The following INPP4B variants were observed in gnomAD, a reference collection of about 807,000 sequenced individuals.
The protein encoded by INPP4B is inositol polyphosphate-4-phosphatase type II B.
Under a neutral mutation model 122.5 loss-of-function variants are expected in INPP4B, and 55 were observed. The ratio of observed to expected loss-of-function variants is 0.45; its 90% confidence interval spans 0.36 to 0.56. The LOEUF (loss-of-function observed/expected upper bound fraction) is 0.56. Among genes scored for constraint, INPP4B ranks in the 20% least tolerant of loss-of-function variants. The probability of loss-of-function intolerance (pLI) is 0.00; values close to 1 mark genes in which losing one functional copy is unlikely to be tolerated. For missense variants in INPP4B, 1,000 were observed against 1,097.7 expected, an observed-to-expected ratio of 0.91 and a Z score of 1.26; for synonymous variants, 403 against 388.7, an observed-to-expected ratio of 1.04 and a Z score of -0.43.
At chr4:142,591,713 T>C (rs1027946367) in intron 2 of INPP4B, among the ~76,000 whole-genome samples, 3 of 152,280 alleles carry the variant, frequency 2.0e-5, no homozygotes, top group African/African-American at 7.2e-5. Flanking sequence ...CGCTAAGTAA[T>C]GTTGATAATA....
chr4:142,312,304 G>A (rs1455492825), intron 8 of INPP4B, among the ~76,000 whole-genome samples: 1 of 152,148 alleles, frequency 6.6e-6, no homozygotes, highest in Non-Finnish European at 1.5e-5. Context: ...GGCTAGAAGA[G>A]AGGAGAGATC....
At chr4:142,123,676 A>G (rs12641407) in intron 19 of INPP4B, among the ~76,000 whole-genome samples, 19,399 of 152,104 alleles carry the variant, frequency 0.13, 1,414 homozygotes, top group East Asian at 0.24. Flanking sequence ...CAAATCTTAT[A>G]TCTACCATTT....
At chr4:142,080,739 T>C (rs1486816312) in intron 25 of INPP4B, among the ~76,000 whole-genome samples, 1 of 152,162 alleles carries the variant, frequency 6.6e-6, no homozygotes, top group Non-Finnish European at 1.5e-5. Flanking sequence ...GAAGATTTGT[T>C]ACCTAAATCA....
chr4:142,702,802 A>G (rs1639696657), intron 2 of INPP4B, among the ~76,000 whole-genome samples: 1 of 152,024 alleles, frequency 6.6e-6, no homozygotes, highest in Non-Finnish European at 1.5e-5. Context: ...TTTTTAAATA[A>G]AGATTGATTT....
chr4:142,330,352 T>C, intron 7 of INPP4B, among the ~76,000 whole-genome samples: 1 of 152,240 alleles, frequency 6.6e-6, no homozygotes, highest in Non-Finnish European at 1.5e-5. Context: ...TGGATTAAAA[T>C]ATCTTGAAAA....
At chr4:142,708,541 G>A (rs982238361) in intron 2 of INPP4B, among the ~76,000 whole-genome samples, 1 of 152,142 alleles carries the variant, frequency 6.6e-6, no homozygotes, top group Non-Finnish European at 1.5e-5. Flanking sequence ...CTCCACCTGT[G>A]GCTAAAAGGG....
At chr4:142,311,255 A>G (rs1200678145) in intron 8 of INPP4B, among the ~76,000 whole-genome samples, 1 of 152,148 alleles carries the variant, frequency 6.6e-6, no homozygotes, top group African/African-American at 2.4e-5. Context: ...CTCTCTCCAA[A>G]ATAACACGTA....
intron 1 of INPP4B, among the ~76,000 whole-genome samples, chr4:142,827,558 AT>A (rs1282260014): frequency 1.3e-5 from 2 of 152,204 alleles, no homozygotes; most frequent in African/African-American, 4.8e-5. Context: ...AGCTGTACAT[AT>A]TTTTAAGAAA....
chr4:142,331,663 A>C (rs1430561000), intron 7 of INPP4B, among the ~76,000 whole-genome samples: 1 of 152,126 alleles, frequency 6.6e-6, no homozygotes, highest in Non-Finnish European at 1.5e-5. Context: ...ATTGCTAAGG[A>C]ATTATTTTAA....
rs1816662553 is a variant in INPP4B, at chr4:142,155,413, C to T, written c.1563+4945G>A. On this transcript the variant is annotated intron_variant, in intron 17 of 25. Coordinates refer to ENST00000262992, the MANE Select transcript of INPP4B (RefSeq NM_001101669.3). ...CAAGAGAAGTTGGGAATATAGATCA[C>T]TATAGATTTCCTATGGAGATACCTG... Among the ~76,000 whole-genome samples, 5 of 152,220 alleles carry T rather than the reference C, an allele frequency of 3.3e-5. No individual in the cohort carries two copies. The South Asian group carries it at 1.0e-3, about 32-fold the overall frequency.
At chr4:142,333,795 T>C (rs1775576354) in intron 7 of INPP4B, among the ~76,000 whole-genome samples, 1 of 152,216 alleles carries the variant, frequency 6.6e-6, no homozygotes, top group African/African-American at 2.4e-5. Flanking sequence ...GAGGTTTTGA[T>C]GTATGTATAC....
At chr4:142,731,395 T>C (rs1949089961) in intron 1 of INPP4B, among the ~76,000 whole-genome samples, 2 of 152,142 alleles carry the variant, frequency 1.3e-5, no homozygotes, top group South Asian at 4.1e-4. Context: ...AGATCAAGAT[T>C]GCTACAAGAT....
intron 25 of INPP4B, among the ~76,000 whole-genome samples, chr4:142,060,400 AC>A (rs1759987141): frequency 6.6e-6 from 1 of 152,162 alleles, no homozygotes; most frequent in Admixed American, 6.6e-5. Flanking sequence ...CTCAGGAGAA[AC>A]CTTGCTAGAT....
chr4:142,415,666 G>T (rs1459324578), intron 5 of INPP4B, among the ~76,000 whole-genome samples: 1 of 152,006 alleles, frequency 6.6e-6, no homozygotes, highest in African/African-American at 2.4e-5. Context: ...TATACCCAAA[G>T]GATTATAAAT....
chr4:142,068,002 G>A (rs1472516751), intron 25 of INPP4B, among the ~76,000 whole-genome samples: 1 of 152,120 alleles, frequency 6.6e-6, no homozygotes, highest in Non-Finnish European at 1.5e-5. Context: ...TACTCCTCGA[G>A]AAGAGCAACT....
In INPP4B at chr4:142,195,231, T is replaced by C. The variant is rs184203933; in HGVS notation, c.1073-2036A>G. ...CTCCACTTGCATGAGGTTTTCAAAATAGTCAACCTCATAAAAGCAGAGAAT... is the reference window on the plus strand; with the variant it reads ...CTCCACTTGCATGAGGTTTTCAAAACAGTCAACCTCATAAAAGCAGAGAAT... On this transcript the variant is annotated intron_variant, in intron 14 of 25. Coordinates refer to ENST00000262992, the MANE Select transcript of INPP4B (RefSeq NM_001101669.3). Among the ~76,000 whole-genome samples the C allele has an allele frequency of 2.0e-5, 3 of 152,224 alleles. No individual in the cohort carries two copies. In the East Asian group the frequency reaches 5.8e-4, roughly 29 times the overall value.
At chr4:142,458,509 T>A (rs1034967860) in intron 3 of INPP4B, among the ~76,000 whole-genome samples, 4 of 151,982 alleles carry the variant, frequency 2.6e-5, no homozygotes, top group Admixed American at 1.3e-4. Context: ...TAATTATATT[T>A]ATTATTAATA....
chr4:142,086,318 T>A (rs1238037030), intron 23 of INPP4B, 62 bp from the exon 24 acceptor site: 4 of 881,594 alleles, frequency 4.5e-6, no homozygotes, highest in South Asian at 1.4e-5. Context: ...AAGCTGCCCA[T>A]GGAGGTTTTT....
Position 142,737,133 on chromosome 4 carries a change from A to G in INPP4B, c.-253-11232T>C, listed in dbSNP as rs1314273915. On this transcript the variant is annotated intron_variant, in intron 1 of 25. Coordinates refer to ENST00000262992, the MANE Select transcript of INPP4B (RefSeq NM_001101669.3). ...CTACTTTAAAGTTCATATGGAACCAAAAAAGAGCCTGCATTGCCAAGTCAA... is the reference window on the plus strand; with the variant it reads ...CTACTTTAAAGTTCATATGGAACCAGAAAAGAGCCTGCATTGCCAAGTCAA... Among the ~76,000 whole-genome samples, 7 of 152,316 alleles carry G rather than the reference A, an allele frequency of 4.6e-5. No individual in the cohort carries two copies. The East Asian group carries it at 1.2e-3, about 25-fold the overall frequency.
Sources: allele counts gnomAD v4.1 joint callset (sites outside exome capture counted in the v4.1 genomes callset), GRCh38; gene constraint gnomAD v4.1.1; transcripts MANE v1.5; gene names NCBI Gene and HGNC (gene_info 2026-07-23, HGNC 2026-07-21).